Variants in RABGAP1L observed in about 807,000 individuals in gnomAD.
The protein encoded by RABGAP1L is RAB GTPase activating protein 1 like, also known as rab GTPase-activating protein 1-like.
In RABGAP1L, 63 loss-of-function variants were observed where a neutral mutation model predicts 137.7. That is an observed-to-expected ratio of 0.46 (90% CI 0.37 to 0.56). The LOEUF (loss-of-function observed/expected upper bound fraction) is 0.56. Ranked by LOEUF, RABGAP1L falls within the 20% of genes least tolerant of loss-of-function variation. The pLI, the probability that RABGAP1L is intolerant of heterozygous loss-of-function variation, is 0.00. For synonymous variants in RABGAP1L, 431 were observed against 433.7 expected (o/e 0.99, Z 0.08); for missense variants, 1,095 against 1,244.0 (o/e 0.88, Z 1.80).
At chr1:174,652,556 T>G (rs891216149) in intron 14 of RABGAP1L, among the ~76,000 whole-genome samples, 1 of 152,212 alleles carries the variant, frequency 6.6e-6, no homozygotes, top group Non-Finnish European at 1.5e-5. Flanking sequence ...AACAGGCCCC[T>G]CTGCTACAGG....
chr1:174,825,452 C>T (rs930873908), intron 19 of RABGAP1L, among the ~76,000 whole-genome samples: 1 of 152,236 alleles, frequency 6.6e-6, no homozygotes, highest in Non-Finnish European at 1.5e-5. Context: ...AAGTTTCTTA[C>T]AAAATTGGTT....
At chr1:174,627,281 G>A (rs371347274) in intron 13 of RABGAP1L, among the ~76,000 whole-genome samples, 30 of 152,310 alleles carry the variant, frequency 2.0e-4, no homozygotes, top group Non-Finnish European at 3.8e-4. Flanking sequence ...TACCTTTCTA[G>A]TTGTTGACAG....
At chr1:174,738,875 C>T (rs1054037237) in intron 17 of RABGAP1L, among the ~76,000 whole-genome samples, 4 of 152,138 alleles carry the variant, frequency 2.6e-5, no homozygotes, top group African/African-American at 4.8e-5. Context: ...TTGCAGCAAC[C>T]GCTATATTAC....
chr1:174,423,249 G>T lies in RABGAP1L; in HGVS notation c.1710+29104G>T, dbSNP rs1370716486. On this transcript the variant is annotated intron_variant, in intron 13 of 25. Transcript: ENST00000681986. ...TTTTTTTAATATTGCACTATCTTTT[G>T]TTGTTTAGAGATGAATTCAACAATA... is the stretch of plus-strand genomic sequence containing the variant. 4.6e-5 allele frequency among the ~76,000 whole-genome samples: 7 copies of T among 151,996 alleles called. No homozygotes were observed. In the East Asian group the frequency reaches 1.4e-3, roughly 29 times the overall value.
At chr1:174,177,685 A>G (rs549886654) in intron 1 of RABGAP1L, among the ~76,000 whole-genome samples, 1 of 152,256 alleles carries the variant, frequency 6.6e-6, no homozygotes, top group Non-Finnish European at 1.5e-5. Flanking sequence ...GTCCAGTTTC[A>G]GTTTTCTGCA....
At chr1:174,521,193 A>G (rs1354022494) in intron 13 of RABGAP1L, among the ~76,000 whole-genome samples, 1 of 152,254 alleles carries the variant, frequency 6.6e-6, no homozygotes, top group East Asian at 1.9e-4. Context: ...CATAGTAATT[A>G]AAGAAAAATA....
At chr1:174,810,963 G>C (rs1689813624) in intron 18 of RABGAP1L, among the ~76,000 whole-genome samples, 1 of 151,940 alleles carries the variant, frequency 6.6e-6, no homozygotes, top group African/African-American at 2.4e-5. Context: ...GTAGCTGGGT[G>C]TGGTGGTGTG....
At chr1:174,671,058 T>C (rs1470887111) in intron 14 of RABGAP1L, among the ~76,000 whole-genome samples, 3 of 152,188 alleles carry the variant, frequency 2.0e-5, no homozygotes, top group Non-Finnish European at 4.4e-5. Context: ...GCATTTGTTA[T>C]TGCCTGTCTT....
chr1:174,588,972 G>A (rs1572418040), intron 13 of RABGAP1L, among the ~76,000 whole-genome samples: 2 of 152,118 alleles, frequency 1.3e-5, no homozygotes, highest in East Asian at 3.9e-4. Flanking sequence ...ACCTAGCAGT[G>A]GGATTGCTGG....
At chr1:174,792,930 C>G (rs1051551454) in intron 18 of RABGAP1L, among the ~76,000 whole-genome samples, 1 of 152,072 alleles carries the variant, frequency 6.6e-6, no homozygotes, top group Non-Finnish European at 1.5e-5. Flanking sequence ...GTCAGGAGTT[C>G]GAGACCAGCC....
chr1:174,555,352 G>T (rs938413386), intron 13 of RABGAP1L, among the ~76,000 whole-genome samples: 2 of 152,094 alleles, frequency 1.3e-5, no homozygotes, highest in Non-Finnish European at 2.9e-5. Flanking sequence ...AATATAGACA[G>T]AATACCCATC....
At chr1:174,208,919 G>C (rs192876767) in intron 1 of RABGAP1L, among the ~76,000 whole-genome samples, 8 of 152,270 alleles carry the variant, frequency 5.3e-5, no homozygotes, top group Admixed American at 4.6e-4. Context: ...CAGTTTATCA[G>C]CTTGGCCATA....
intron 18 of RABGAP1L, among the ~76,000 whole-genome samples, chr1:174,805,699 G>C (rs1452251408): frequency 6.6e-6 from 1 of 151,984 alleles, no homozygotes; most frequent in Non-Finnish European, 1.5e-5. Context: ...ATGGGGTTTT[G>C]CCATGTTGGT....
In RABGAP1L at chr1:174,732,069, G is replaced by A. The variant is rs181866987; in HGVS notation, c.2170-20244G>A. Among the ~76,000 whole-genome samples, 289 of 152,266 alleles carry A rather than the reference G, an allele frequency of 1.9e-3. 2 individuals carry two copies. Among genetic ancestry groups the A allele is most frequent in the South Asian group, 8.9e-3 (43 of 4,824 alleles). ...TACAAAAAATTAGCTGGGTGTTGTG[G>A]CGCGTGCCTGTAGTCCCAGCTTGGG... On this transcript the variant is annotated intron_variant, in intron 17 of 25. Transcript: ENST00000681986.
Position 174,699,598 on chromosome 1 carries a change from A to G in RABGAP1L, c.1973A>G (p.Asn658Ser). 1 of 1,609,538 alleles carries G rather than the reference A, an allele frequency of 6.2e-7. No homozygotes were observed. Among genetic ancestry groups the G allele is most frequent in the South Asian group, 1.1e-5 (1 of 90,948 alleles). Residue 658 changes from asparagine to serine, a missense_variant, in exon 16 of 26, where the codon AAC becomes AGC. Asn to Ser is a conservative substitution (Grantham distance 46). Coordinates refer to ENST00000681986, the MANE Select transcript of RABGAP1L (RefSeq NM_001366446.1). ...TATGGTTTGAGAGACCTCTACAGAAACAACTTCGAAGATCTTCATTGCAAA... is the reference window on the plus strand; with the variant it reads ...TATGGTTTGAGAGACCTCTACAGAAGCAACTTCGAAGATCTTCATTGCAAA... ...YDYGLRDLYR[N>S]NFEDLHCKFY...
chr1:174,739,422 A>G (rs188299654), intron 17 of RABGAP1L, among the ~76,000 whole-genome samples: 2 of 152,190 alleles, frequency 1.3e-5, no homozygotes, highest in South Asian at 4.1e-4. Context: ...TGATGTATAG[A>G]TGGATAAGTG....
chr1:174,985,946 CT>C (rs919415149), intron 24 of RABGAP1L, among the ~76,000 whole-genome samples: 7 of 148,026 alleles, frequency 4.7e-5, no homozygotes, highest in Admixed American at 1.3e-4. Flanking sequence ...TTCTTTTTTT[CT>C]TTTTTTTTTG....
chr1:174,401,860 A>G (rs1426993462), intron 13 of RABGAP1L, among the ~76,000 whole-genome samples: 1 of 152,180 alleles, frequency 6.6e-6, no homozygotes, highest in Non-Finnish European at 1.5e-5. Context: ...ATTTCTGCCT[A>G]GGAACAGAGA....
intron 1 of RABGAP1L, among the ~76,000 whole-genome samples, chr1:174,211,755 A>G (rs776755901): frequency 6.6e-6 from 1 of 152,184 alleles, no homozygotes; most frequent in Non-Finnish European, 1.5e-5. Flanking sequence ...CTGTAAAGAC[A>G]CACATAGACT....
Sources: allele counts gnomAD v4.1 joint callset (sites outside exome capture counted in the v4.1 genomes callset), GRCh38; gene constraint gnomAD v4.1.1; transcripts MANE v1.5; gene names NCBI Gene and HGNC (gene_info 2026-07-23, HGNC 2026-07-21).